The following BCL7A variants were observed in gnomAD, a reference collection of about 807,000 sequenced individuals.
BCL7A encodes the protein B-cell CLL/lymphoma 7 protein family member A.
A neutral mutation model predicts 28.4 loss-of-function variants in BCL7A; 11 were observed. The observed-to-expected ratio is 0.39, with a 90% CI of 0.24 to 0.64. The LOEUF is 0.64. Ranked by LOEUF, BCL7A falls within the 30% of genes least tolerant of loss-of-function variation. BCL7A has a pLI of 0.50. For missense variants in BCL7A, 222 were observed against 274.8 expected, an observed-to-expected ratio of 0.81 and a Z score of 1.36; for synonymous variants, 123 against 103.3, an observed-to-expected ratio of 1.19 and a Z score of -1.15.
intron 2 of BCL7A, among the ~76,000 whole-genome samples, chr12:122,034,228 TATATATATATATATATC>T (rs1883803298): frequency 3.1e-5 from 2 of 63,966 alleles, no homozygotes; most frequent in African/African-American, 1.1e-4. Flanking sequence ...TATATATATA[TATATATATATATATATC>T]TTGGCGATAT....
chr12:122,028,370 C>A (rs1883673307), intron 1 of BCL7A, among the ~76,000 whole-genome samples: 1 of 152,058 alleles, frequency 6.6e-6, no homozygotes, highest in African/African-American at 2.4e-5. Context: ...CTCTGGCACA[C>A]TTTCTGCCCT....
At position 122,060,433 on chromosome 12, in the gene BCL7A, A is replaced by G. The variant is rs899547794; in HGVS notation, c.*1270A>G. 4.3e-6 allele frequency: 1 copy of G among 233,048 alleles called. No individual in the cohort carries two copies. The highest frequency in any genetic ancestry group is 2.2e-5 in the African/African-American group (1 of 45,288). The allele number at this position is 233,048 out of a possible 1,614,324, so 14.4% of individuals were successfully genotyped here. On this transcript the variant is annotated 3_prime_UTR_variant, in exon 6 of 6. Coordinates refer to ENST00000261822, the MANE Select transcript of BCL7A (RefSeq NM_001024808.3). ...CACACCCTCCAGAAAGGAGAGACGCAATCTCCCCTCCCTCCCATCCCCCAC... is the reference window on the plus strand; with the variant it reads ...CACACCCTCCAGAAAGGAGAGACGCGATCTCCCCTCCCTCCCATCCCCCAC...
intron 3 of BCL7A, 27 bp from the exon 4 acceptor site, chr12:122,043,859 C>G: frequency 6.3e-7 from 1 of 1,582,366 alleles, no homozygotes; most frequent in Non-Finnish European, 8.6e-7. Context: ...GGATTTCATC[C>G]TGTGGTTCTG....
At chr12:122,023,564 G>T (rs1883528222) in intron 1 of BCL7A, among the ~76,000 whole-genome samples, 1 of 152,336 alleles carries the variant, frequency 6.6e-6, no homozygotes, top group Admixed American at 6.5e-5. Flanking sequence ...GAAAGGGCTG[G>T]CTGCGATGGC....
chr12:122,035,246 T>C (rs946836287), intron 2 of BCL7A, 85 bp from the exon 3 acceptor site: 2 of 1,284,982 alleles, frequency 1.6e-6, no homozygotes, highest in African/African-American at 2.9e-5. Context: ...GAATAAAATA[T>C]TCACACCACT....
chr12:122,026,245 C>T (rs1229079323), intron 1 of BCL7A, among the ~76,000 whole-genome samples: 12 of 137,882 alleles, frequency 8.7e-5, no homozygotes, highest in Admixed American at 2.4e-4. Flanking sequence ...CCAGCCTGGG[C>T]GACAGAGCGA....
chr12:122,059,007 C>A lies in BCL7A; in HGVS notation c.562-85C>A. The A allele has an allele frequency of 8.0e-7, 1 of 1,248,560 alleles. No homozygotes were observed. The highest frequency in any genetic ancestry group is 1.2e-6 in the Non-Finnish European group (1 of 854,216). 77.3% of individuals were successfully genotyped at this position (1,248,560 alleles called of 1,614,324 possible). A position where few individuals can be genotyped will look rare whatever the true frequency, so the allele number is the denominator to read the frequency against. ...CAAAGCCGCCCCCGCTCGGTTCCTT[C>A]CTTGGCTGACCTTCGGCCTCACGCC... On this transcript the variant is annotated intron_variant, in intron 5 of 5. Coordinates refer to ENST00000261822, the MANE Select transcript of BCL7A (RefSeq NM_001024808.3). The surrounding 1 kb of genome is among the most constrained non-coding windows in gnomAD (Gnocchi z 4.0).
At position 122,039,370 on chromosome 12, in the gene BCL7A, A is replaced by G. The variant is rs189331726; in HGVS notation, c.271+3943A>G. ...TAGCAGGTTGTGGTGATGCGCACCT[A>G]TAGTCACAGCTACTCTGGAGGCTGA... On this transcript the variant is annotated intron_variant, in intron 3 of 5. Transcript: ENST00000261822. Among the ~76,000 whole-genome samples, 694 of 148,882 alleles carry G rather than the reference A, an allele frequency of 4.7e-3. 4 individuals are homozygous for G. Among genetic ancestry groups the G allele is most frequent in the Middle Eastern group, 0.01 (3 of 286 alleles).
At chr12:122,049,067 C>CA (rs1565941560) in intron 4 of BCL7A, among the ~76,000 whole-genome samples, 6 of 111,226 alleles carry the variant, frequency 5.4e-5, no homozygotes, top group African/African-American at 2.1e-4. Context: ...TATACACACA[C>CA]ACAAAAAAAA....
chr12:122,042,995 T>TC (rs5801454), intron 3 of BCL7A, among the ~76,000 whole-genome samples: 38,354 of 150,444 alleles, frequency 0.25, 5,633 homozygotes, highest in East Asian at 0.39. Flanking sequence ...TAAAGTCATC[T>TC]CCCCTCCCCC....
intron 3 of BCL7A, among the ~76,000 whole-genome samples, chr12:122,036,970 C>T (rs1007677055): frequency 6.6e-6 from 1 of 152,198 alleles, no homozygotes; most frequent in African/African-American, 2.4e-5. Context: ...TCCCAAAGTG[C>T]TAGGATTTAC....
rs924009343 is a variant in BCL7A, at chr12:122,029,341, A to G, written c.93-1359A>G. Among the ~76,000 whole-genome samples, 1 of 151,872 alleles carries G rather than the reference A, an allele frequency of 6.6e-6. No individual in the cohort carries two copies. The highest frequency in any genetic ancestry group is 2.4e-5 in the African/African-American group (1 of 41,318). On this transcript the variant is annotated intron_variant, in intron 1 of 5. Transcript: ENST00000261822. The surrounding 1 kb of genome is among the most constrained non-coding windows in gnomAD (Gnocchi z 4.3). Reference sequence around the variant, plus strand: ...TGGTTTCGGCTGGCTGGGTTTGAGTATGCTCCGTCATCCCGCAACCCCCGT... The same window carrying G: ...TGGTTTCGGCTGGCTGGGTTTGAGTGTGCTCCGTCATCCCGCAACCCCCGT...
At chr12:122,044,951 A>G (rs1215575420) in intron 4 of BCL7A, among the ~76,000 whole-genome samples, 6 of 152,088 alleles carry the variant, frequency 3.9e-5, no homozygotes. Flanking sequence ...AATGACCTGG[A>G]GAGTTGCAGT....
At chr12:122,033,800 T>G (rs1231162315) in intron 2 of BCL7A, among the ~76,000 whole-genome samples, 1 of 152,130 alleles carries the variant, frequency 6.6e-6, no homozygotes, top group Non-Finnish European at 1.5e-5. Context: ...ATTCACAAAG[T>G]TGTGCACCTG....
At chr12:122,026,713 G>A (rs967863266) in intron 1 of BCL7A, among the ~76,000 whole-genome samples, 1 of 152,216 alleles carries the variant, frequency 6.6e-6, no homozygotes, top group African/African-American at 2.4e-5. Context: ...GGCCTCTTGA[G>A]GTGACAGGGA....
At chr12:122,024,723 A>C (rs959842453) in intron 1 of BCL7A, among the ~76,000 whole-genome samples, 1 of 152,342 alleles carries the variant, frequency 6.6e-6, no homozygotes, top group African/African-American at 2.4e-5. Flanking sequence ...TAAACAATGA[A>C]AGATTTTTTT....
intron 4 of BCL7A, chr12:122,044,337 C>A: frequency 1.0e-5 from 3 of 297,916 alleles, no homozygotes; most frequent in Non-Finnish European, 1.8e-5. Flanking sequence ...AGCAAGACCT[C>A]ATCTCTACCA....
At chr12:122,027,161 A>T (rs1309189231) in intron 1 of BCL7A, among the ~76,000 whole-genome samples, 1 of 152,072 alleles carries the variant, frequency 6.6e-6, no homozygotes, top group Non-Finnish European at 1.5e-5. Context: ...AGGGCATCTG[A>T]GGGGGGCCAG....
chr12:122,023,812 G>A (rs1883539350), intron 1 of BCL7A, among the ~76,000 whole-genome samples: 1 of 152,310 alleles, frequency 6.6e-6, no homozygotes, highest in Non-Finnish European at 1.5e-5. Flanking sequence ...ATTCCCCGCG[G>A]GAAGCCCGGA....
Sources: gnomAD v4.1 joint callset for allele counts (sites outside exome capture counted in the v4.1 genomes callset) on GRCh38, gnomAD v4.1.1 for gene constraint, Gnocchi (gnomAD v3.1) non-coding constraint, MANE v1.5 for transcripts, NCBI Gene and HGNC (gene_info 2026-07-23, HGNC 2026-07-21) for gene names.